Variants in NELL1 observed in about 807,000 individuals in gnomAD.
NELL1 encodes neural EGFL like 1.
Under a neutral mutation model 107.4 loss-of-function variants are expected in NELL1, and 76 were observed. The ratio of observed to expected loss-of-function variants is 0.71; its 90% CI spans 0.59 to 0.86. NELL1 has a LOEUF of 0.86. Among genes scored for constraint, NELL1 ranks in the 40% least tolerant of loss-of-function variants. NELL1 has a pLI of 0.00. For missense variants in NELL1, 1,024 were observed against 1,005.5 expected, an observed-to-expected ratio of 1.02 and a Z score of -0.25; for synonymous variants, 353 against 341.2, an observed-to-expected ratio of 1.03 and a Z score of -0.38.
chr11:21,284,138 G>T (rs779547213), intron 14 of NELL1: 1 of 424,660 alleles, frequency 2.4e-6, no homozygotes, highest in Admixed American at 2.5e-5. Context: ...GAAGAGTAGC[G>T]TTAAAACTGA....
intron 13 of NELL1, among the ~76,000 whole-genome samples, chr11:21,115,707 G>A (rs990893254): frequency 2.0e-5 from 3 of 151,834 alleles, no homozygotes; most frequent in African/African-American, 7.3e-5. Context: ...TCACATGGTG[G>A]ACAACAGAAA....
intron 14 of NELL1, among the ~76,000 whole-genome samples, chr11:21,243,053 A>G (rs1858403032): frequency 6.6e-6 from 1 of 152,040 alleles, no homozygotes; most frequent in South Asian, 2.1e-4. Context: ...ACAGAGAATG[A>G]TATGTGAATT....
intron 15 of NELL1, among the ~76,000 whole-genome samples, chr11:21,479,470 T>C (rs1854433979): frequency 6.6e-6 from 1 of 152,110 alleles, no homozygotes; most frequent in South Asian, 2.1e-4. Flanking sequence ...CTCACTTATT[T>C]TGAGGAACTA....
At chr11:21,271,566 A>C (rs748703856) in intron 14 of NELL1, among the ~76,000 whole-genome samples, 4 of 152,196 alleles carry the variant, frequency 2.6e-5, no homozygotes, top group Non-Finnish European at 4.4e-5. Context: ...AAATTATACA[A>C]ATTCTCCACA....
In NELL1 at chr11:21,120,174, T is replaced by A. The variant is rs996684553; in HGVS notation, c.1426+6460T>A. ...TAAAGACTTAGATATAATAGCCTAT[T>A]AATTTAATGGTTTGAATTAAGTACA... On this transcript the variant is annotated intron_variant, in intron 13 of 19. Coordinates refer to ENST00000357134, the MANE Select transcript of NELL1 (RefSeq NM_006157.5). Among the ~76,000 whole-genome samples the A allele has an allele frequency of 2.6e-5, 4 of 152,278 alleles. No individual in the cohort carries two copies. The South Asian group carries it at 8.3e-4, about 32-fold the overall frequency.
intron 13 of NELL1, among the ~76,000 whole-genome samples, chr11:21,130,644 T>G (rs957268361): frequency 6.6e-6 from 1 of 152,194 alleles, no homozygotes. Context: ...TATTACATTT[T>G]CCCTGCTGTT....
chr11:21,466,038 C>T (rs1331497849), intron 15 of NELL1, among the ~76,000 whole-genome samples: 1 of 152,084 alleles, frequency 6.6e-6, no homozygotes, highest in African/African-American at 2.4e-5. Flanking sequence ...AATCCTGAAA[C>T]ATAGCCTTCT....
Position 21,229,447 on chromosome 11 carries a change from C to G in NELL1, c.1542C>G (p.Ile514Met). 1 of 1,613,840 alleles carries G rather than the reference C, an allele frequency of 6.2e-7. No individual in the cohort carries two copies. The highest frequency in any genetic ancestry group is 8.5e-7 in the Non-Finnish European group (1 of 1,179,858). The change falls in exon 14 of 20, where the codon ATC (isoleucine) becomes ATG (methionine). Residue 514 changes from isoleucine to methionine, a missense_variant. Coordinates refer to ENST00000357134, the MANE Select transcript of NELL1 (RefSeq NM_006157.5). ...CGGGCTACGTGGGGAACGGGACCAT[C>G]TGCAGAGGTAGGCTTGCCGCCTTAG... Reference protein sequence around the residue: ...CKPGYVGNGTICRAFCEEGCR... With the variant: ...CKPGYVGNGTMCRAFCEEGCR...
intron 3 of NELL1, among the ~76,000 whole-genome samples, chr11:20,835,679 C>T (rs947318130): frequency 4.6e-5 from 7 of 152,104 alleles, no homozygotes; most frequent in African/African-American, 1.4e-4. Flanking sequence ...TTGGAAAAAA[C>T]GTTCTTTTCT....
At chr11:21,376,505 T>C (rs898253511) in intron 15 of NELL1, among the ~76,000 whole-genome samples, 3 of 152,122 alleles carry the variant, frequency 2.0e-5, no homozygotes, top group Non-Finnish European at 2.9e-5. Context: ...TTGTTCCTTA[T>C]GCTTAGCATT....
chr11:21,428,547 T>G (rs946386189), intron 15 of NELL1, among the ~76,000 whole-genome samples: 1 of 152,192 alleles, frequency 6.6e-6, no homozygotes, highest in East Asian at 1.9e-4. Flanking sequence ...TTTTATAAAA[T>G]GTTTCAGATT....
chr11:21,349,906 A>G (rs1850765905), intron 14 of NELL1, among the ~76,000 whole-genome samples: 1 of 152,128 alleles, frequency 6.6e-6, no homozygotes, highest in Non-Finnish European at 1.5e-5. Context: ...CTTTTATTAA[A>G]TGTTTCACAA....
At chr11:20,990,831 A>G (rs1851956180) in intron 12 of NELL1, among the ~76,000 whole-genome samples, 1 of 152,100 alleles carries the variant, frequency 6.6e-6, no homozygotes, top group African/African-American at 2.4e-5. Flanking sequence ...GCTTCATTTC[A>G]TCCTCAGCTT....
intron 14 of NELL1, among the ~76,000 whole-genome samples, chr11:21,313,746 C>T (rs748324885): frequency 6.6e-6 from 1 of 152,030 alleles, no homozygotes; most frequent in African/African-American, 2.4e-5. Flanking sequence ...CCAAACCTGG[C>T]CTTTATAAGA....
chr11:21,266,816 G>C (rs1670631), intron 14 of NELL1, among the ~76,000 whole-genome samples: 118,948 of 151,926 alleles, frequency 0.78, 48,168 homozygotes, highest in Middle Eastern at 0.89. Context: ...ATAAGGATTT[G>C]TGAAAATTTT....
At chr11:21,263,481 C>T (rs1426685314) in intron 14 of NELL1, among the ~76,000 whole-genome samples, 2 of 152,022 alleles carry the variant, frequency 1.3e-5, no homozygotes, top group Non-Finnish European at 2.9e-5. Flanking sequence ...CATCTTTCAG[C>T]ATTCTGATTG....
At chr11:21,224,715 T>C (rs1042997661) in intron 13 of NELL1, among the ~76,000 whole-genome samples, 2 of 152,218 alleles carry the variant, frequency 1.3e-5, no homozygotes, top group Admixed American at 6.5e-5. Flanking sequence ...TTAGAAATTA[T>C]TCTGCTTGAA....
At chr11:21,234,945 T>G (rs775333421) in intron 14 of NELL1, among the ~76,000 whole-genome samples, 1 of 152,142 alleles carries the variant, frequency 6.6e-6, no homozygotes, top group Non-Finnish European at 1.5e-5. Context: ...GAAAGGTAAG[T>G]TATTATAGTA....
chr11:21,013,678 A>G (rs963231600), intron 12 of NELL1, among the ~76,000 whole-genome samples: 1 of 152,120 alleles, frequency 6.6e-6, no homozygotes, highest in Non-Finnish European at 1.5e-5. Flanking sequence ...CTTACTATTA[A>G]CATTTTACAT....
Sources: allele counts gnomAD v4.1 joint callset (sites outside exome capture counted in the v4.1 genomes callset), GRCh38; gene constraint gnomAD v4.1.1; transcripts MANE v1.5; gene names NCBI Gene and HGNC (gene_info 2026-07-23, HGNC 2026-07-21).